The following ATRN variants were observed in gnomAD, a reference collection of about 807,000 sequenced individuals.
The protein encoded by ATRN is attractin.
A neutral mutation model predicts 178.7 loss-of-function variants in ATRN; 54 were observed. That is an observed-to-expected ratio of 0.30 (90% CI 0.24 to 0.38). ATRN has a LOEUF of 0.38. Among genes scored for constraint, ATRN ranks in the 10% least tolerant of loss-of-function variants. ATRN has a pLI of 1.00. For synonymous variants in ATRN, 636 were observed against 663.0 expected, an observed-to-expected ratio of 0.96 and a Z score of 0.63; for missense variants, 1,443 against 1,815.1, an observed-to-expected ratio of 0.79 and a Z score of 3.73.
At chr20:3,494,544 G>A (rs546088085) in intron 1 of ATRN, among the ~76,000 whole-genome samples, 1 of 152,300 alleles carries the variant, frequency 6.6e-6, no homozygotes, top group Non-Finnish European at 1.5e-5. Flanking sequence ...GCCTTAGCAA[G>A]GGGATCAAAG....
At chr20:3,576,719 A>ATCTATCTATCTG (rs1180171506) in intron 13 of ATRN, 140 bp from the exon 14 acceptor site, 1 of 668,664 alleles carries the variant, frequency 1.5e-6, no homozygotes, top group African/African-American at 1.8e-5. Context: ...CTATCTATCT[A>ATCTATCTATCTG]TCTATCTATC....
chr20:3,484,909 A>AATTATTATTATTATTATTATTATT (rs11470490), intron 1 of ATRN, among the ~76,000 whole-genome samples: 1 of 143,984 alleles, frequency 6.9e-6, no homozygotes, highest in African/African-American at 2.6e-5. Flanking sequence ...TGGATTTTAA[A>AATTATTATTATTATTATTATTATT]ATTATTATTA....
intron 18 of ATRN, among the ~76,000 whole-genome samples, chr20:3,588,053 C>T (rs2086383051): frequency 1.3e-5 from 2 of 152,042 alleles, no homozygotes; most frequent in Admixed American, 6.6e-5. Flanking sequence ...CGCCATGTTG[C>T]CCAGGCTGGT....
chr20:3,619,506 T>C (rs752760019), intron 24 of ATRN, among the ~76,000 whole-genome samples: 69 of 152,250 alleles, frequency 4.5e-4, no homozygotes, highest in Non-Finnish European at 1.5e-4. Flanking sequence ...TTCCTAGTCA[T>C]TCAGTATTCA....
At chr20:3,556,726 A>G (rs771253168) in intron 6 of ATRN, among the ~76,000 whole-genome samples, 2 of 152,202 alleles carry the variant, frequency 1.3e-5, no homozygotes, top group African/African-American at 2.4e-5. Context: ...TGTACGAGAT[A>G]CTTTTTTATG....
intron 12 of ATRN, among the ~76,000 whole-genome samples, chr20:3,573,193 G>A (rs2086153043): frequency 6.6e-6 from 1 of 152,178 alleles, no homozygotes; most frequent in South Asian, 2.1e-4. Flanking sequence ...TTTTGGCATT[G>A]CATAGGCTTT....
chr20:3,627,773 A>G (rs1184400608), intron 25 of ATRN, among the ~76,000 whole-genome samples: 1 of 152,258 alleles, frequency 6.6e-6, no homozygotes. Flanking sequence ...AAACTGACAC[A>G]GAAGAAGTAA....
intron 18 of ATRN, among the ~76,000 whole-genome samples, chr20:3,586,417 G>A (rs2086357920): frequency 6.6e-6 from 1 of 151,258 alleles, no homozygotes; most frequent in Non-Finnish European, 1.5e-5. Flanking sequence ...GGCTGGGCAT[G>A]GAAATGAAGA....
At chr20:3,494,880 G>C (rs1007397472) in intron 1 of ATRN, among the ~76,000 whole-genome samples, 1 of 152,058 alleles carries the variant, frequency 6.6e-6, no homozygotes, top group Non-Finnish European at 1.5e-5. Flanking sequence ...TTGAGCAAAG[G>C]ACTTGTCCAT....
intron 6 of ATRN, 63 bp from the exon 7 acceptor site, chr20:3,559,330 T>C: frequency 7.9e-7 from 1 of 1,272,732 alleles, no homozygotes; most frequent in South Asian, 1.2e-5. Context: ...ATGTCACAAA[T>C]AAAATAGTAT....
chr20:3,638,756 A>C lies in ATRN; in HGVS notation c.3943-72A>C. On this transcript the variant is annotated intron_variant, in intron 26 of 28. Coordinates refer to ENST00000262919, the MANE Select transcript of ATRN (RefSeq NM_139321.3). This position sits in a 1 kb window ranked among gnomAD's most constrained non-coding sequence, Gnocchi z 4.5. ...GAATCAGGGAGGATGAGGTGTTTTT[A>C]ACATGTAGCATTAACTAATAAAACC... The C allele has an allele frequency of 7.6e-7, 1 of 1,313,130 alleles. No homozygotes were observed. Among genetic ancestry groups the C allele is most frequent in the Non-Finnish European group, 1.1e-6 (1 of 925,384 alleles). 81.3% of individuals were successfully genotyped at this position (1,313,130 alleles called of 1,614,324 possible).
intron 1 of ATRN, among the ~76,000 whole-genome samples, chr20:3,500,164 C>T (rs1395115247): frequency 6.6e-6 from 1 of 152,134 alleles, no homozygotes; most frequent in Non-Finnish European, 1.5e-5. Context: ...GAATGGCAAT[C>T]ATTCAAAAGT....
intron 15 of ATRN, among the ~76,000 whole-genome samples, chr20:3,580,460 CAG>C (rs1376511420): frequency 6.6e-6 from 1 of 152,190 alleles, no homozygotes; most frequent in East Asian, 1.9e-4. Context: ...TGTCCTTCCA[CAG>C]CTATACCTCT....
intron 1 of ATRN, among the ~76,000 whole-genome samples, chr20:3,507,308 G>A (rs1020769416): frequency 2.0e-5 from 3 of 151,722 alleles, no homozygotes; most frequent in Admixed American, 6.6e-5. Flanking sequence ...TACTTGGGAG[G>A]CTGAGGCAGA....
Position 3,540,380 on chromosome 20 carries a change from A to G in ATRN, c.608+45A>G, listed in dbSNP as rs755871440. The G allele has an allele frequency of 2.5e-6, 3 of 1,210,392 alleles. No homozygotes were observed. The Admixed American group carries it at 5.9e-5, about 24-fold the overall frequency. 75.0% of individuals were successfully genotyped at this position (1,210,392 alleles called of 1,614,324 possible). A position where few individuals can be genotyped will look rare whatever the true frequency, so the allele number is the denominator to read the frequency against. On this transcript the variant is annotated intron_variant, in intron 3 of 28. Transcript: ENST00000262919. ...CCTTCTTTCATCGTTTGATTTCTAAATTTAAACATATCTTCTGGATTGCAT... is the reference window on the plus strand; with the variant it reads ...CCTTCTTTCATCGTTTGATTTCTAAGTTTAAACATATCTTCTGGATTGCAT...
chr20:3,538,538 C>A (rs1459921870), intron 2 of ATRN, among the ~76,000 whole-genome samples: 1 of 152,052 alleles, frequency 6.6e-6, no homozygotes, highest in Non-Finnish European at 1.5e-5. Flanking sequence ...CACCTGACAC[C>A]CTCCTCCACT....
chr20:3,542,801 ATTTTTTT>A (rs35265454), intron 3 of ATRN, among the ~76,000 whole-genome samples: 1 of 130,496 alleles, frequency 7.7e-6, no homozygotes, highest in African/African-American at 2.9e-5. Flanking sequence ...TAATTTTTGT[ATTTTTTT>A]TTTTTTTTTT....
intron 1 of ATRN, among the ~76,000 whole-genome samples, chr20:3,518,424 T>C (rs1338071279): frequency 1.3e-5 from 2 of 152,234 alleles, no homozygotes; most frequent in Non-Finnish European, 2.9e-5. Context: ...CATGGTTGTA[T>C]GATTCCATTT....
intron 1 of ATRN, among the ~76,000 whole-genome samples, chr20:3,474,173 C>T (rs2084477603): frequency 6.6e-6 from 1 of 152,130 alleles, no homozygotes. Flanking sequence ...ATAAGAGCTA[C>T]TTGTTGCAGG....
Sources: gnomAD v4.1 joint callset for allele counts (sites outside exome capture counted in the v4.1 genomes callset) on GRCh38, gnomAD v4.1.1 for gene constraint, Gnocchi (gnomAD v3.1) non-coding constraint, MANE v1.5 for transcripts, NCBI Gene and HGNC (gene_info 2026-07-23, HGNC 2026-07-21) for gene names.